CFAP70: variants seen among roughly 807,000 people sequenced by gnomAD.
The protein encoded by CFAP70 is cilia- and flagella-associated protein 70.
Under a neutral mutation model 137.6 loss-of-function variants are expected in CFAP70, and 81 were observed. That is an observed-to-expected ratio of 0.59 (90% CI 0.49 to 0.71). CFAP70 has a LOEUF of 0.71. CFAP70 is among the 30% of genes least tolerant of loss of function. The pLI is 0.00. For missense variants in CFAP70, 976 were observed against 1,226.7 expected (o/e 0.80, Z 3.05); for synonymous variants, 382 against 423.6 (o/e 0.90, Z 1.20).
intron 11 of CFAP70, 80 bp downstream of exon 12, chr10:73,311,754 G>A: frequency 3.6e-6 from 4 of 1,103,306 alleles, no homozygotes; most frequent in Non-Finnish European, 4.2e-6. Flanking sequence ...TCCTGCCTGA[G>A]CATTTTCCAT....
chr10:73,289,940 A>ATC (rs1212058201), intron 19 of CFAP70, among the ~76,000 whole-genome samples: 2 of 151,596 alleles, frequency 1.3e-5, no homozygotes, highest in Admixed American at 1.3e-4. Flanking sequence ...AGCTACTTGG[A>ATC]AGGCTGAGGC....
At chr10:73,312,777 A>C in intron 9 of CFAP70, 134 bp from the exon 11 acceptor site, 2 of 774,696 alleles carry the variant, frequency 2.6e-6, no homozygotes, top group Non-Finnish European at 2.0e-6. Flanking sequence ...AAGGGACTTG[A>C]AAGACTTCAT....
chr10:73,284,176 G>A (rs1009404469), intron 19 of CFAP70, among the ~76,000 whole-genome samples: 3 of 152,154 alleles, frequency 2.0e-5, no homozygotes. Context: ...TTCAGCTTGT[G>A]GAGGCTACCT....
At chr10:73,347,511 T>C (rs987315553) in intron 4 of CFAP70, among the ~76,000 whole-genome samples, 14 of 152,122 alleles carry the variant, frequency 9.2e-5, no homozygotes, top group Non-Finnish European at 1.8e-4. Context: ...GTAGTTAGGG[T>C]CTGAAGGAAT....
At chr10:73,316,143 G>A (rs10824003) in intron 9 of CFAP70, among the ~76,000 whole-genome samples, 16,064 of 151,854 alleles carry the variant, frequency 0.11, 1,226 homozygotes, top group East Asian at 0.3. Flanking sequence ...TAGTTACTCA[G>A]CTATTACATT....
intron 8 of CFAP70, among the ~76,000 whole-genome samples, chr10:73,329,381 C>A (rs986797164): frequency 1.3e-5 from 2 of 152,190 alleles, no homozygotes; most frequent in Admixed American, 6.5e-5. Flanking sequence ...AAGAGATATA[C>A]CTAATGCTAA....
At chr10:73,324,707 G>A (rs1329835191) in intron 8 of CFAP70, among the ~76,000 whole-genome samples, 8 of 152,306 alleles carry the variant, frequency 5.3e-5, no homozygotes, top group South Asian at 4.2e-4. Context: ...CTCAGGAGCC[G>A]ATGTGATCAA....
intron 25 of CFAP70, among the ~76,000 whole-genome samples, chr10:73,258,403 C>G (rs1269412063): frequency 2.0e-5 from 3 of 152,236 alleles, no homozygotes; most frequent in Non-Finnish European, 4.4e-5. Flanking sequence ...CTTATAATTT[C>G]CTATGCCTGT....
At chr10:73,327,798 T>C (rs1179888853) in intron 8 of CFAP70, among the ~76,000 whole-genome samples, 1 of 152,076 alleles carries the variant, frequency 6.6e-6, no homozygotes, top group African/African-American at 2.4e-5. Flanking sequence ...GAAGGACCTC[T>C]TCAAGGAGAA....
intron 4 of CFAP70, 49 bp from the exon 5 acceptor site, chr10:73,348,284 G>A: frequency 6.3e-7 from 1 of 1,593,282 alleles, no homozygotes; most frequent in Non-Finnish European, 8.6e-7. Flanking sequence ...GTTAAGTTGG[G>A]ATGACTGCAG....
chr10:73,295,294 CGAGAAAGAAAGAGAGAAAGG>C (rs2048452964), intron 15 of CFAP70: 3 of 140,866 alleles, frequency 2.1e-5, no homozygotes, highest in African/African-American at 7.9e-5. Context: ...CCAGCCTGGG[CGAGAAAGAAAGAGAGAAAGG>C]GAGAAAGAGA....
intron 17 of CFAP70, 24 bp downstream of exon 18, chr10:73,291,857 T>C: frequency 6.2e-7 from 1 of 1,613,896 alleles, no homozygotes; most frequent in Non-Finnish European, 8.5e-7. Context: ...TCCCACTGAT[T>C]CCTCATCTCC....
chr10:73,320,997 T>C (rs759802138), intron 9 of CFAP70, among the ~76,000 whole-genome samples: 5 of 152,226 alleles, frequency 3.3e-5, no homozygotes, highest in Non-Finnish European at 7.3e-5. Context: ...TCATTTTTAC[T>C]TACTATGATT....
chr10:73,349,061 CAAA>C (rs56392713), intron 3 of CFAP70, among the ~76,000 whole-genome samples: 4 of 91,686 alleles, frequency 4.4e-5, no homozygotes, highest in Non-Finnish European at 4.7e-5. Context: ...AACTCCGTCT[CAAA>C]AAAAAAAAAA....
intron 19 of CFAP70, among the ~76,000 whole-genome samples, chr10:73,289,926 C>CT (rs1432969138): frequency 2.0e-5 from 3 of 151,690 alleles, no homozygotes; most frequent in African/African-American, 7.3e-5. Context: ...ATATCTGTAG[C>CT]TCCAGCTACT....
intron 25 of CFAP70, among the ~76,000 whole-genome samples, chr10:73,263,265 T>C (rs971233952): frequency 2.0e-5 from 3 of 152,122 alleles, no homozygotes; most frequent in African/African-American, 7.2e-5. Flanking sequence ...CCAGCTAATT[T>C]TTTTAATGTT....
rs2048899630 is a variant in CFAP70, at chr10:73,300,910, G to C, written c.1257-1245C>G. 2.6e-5 allele frequency among the ~76,000 whole-genome samples: 4 copies of C among 152,154 alleles called. 1 individual carries two copies. The South Asian group carries it at 8.3e-4, about 31-fold the overall frequency. On this transcript the variant is annotated intron_variant, in intron 12 of 26. Transcript: ENST00000310715. ...ATACTGAGTGCTTATTTTCCATCAG[G>C]TAGTTTTCTAGGTTTGGGAATAGAG... is the stretch of plus-strand genomic sequence containing the variant.
chr10:73,348,212 C>A, intron 4 of CFAP70: 1 of 1,614,182 alleles, frequency 6.2e-7, no homozygotes, highest in Non-Finnish European at 8.5e-7. Flanking sequence ...TGCAATGGAA[C>A]TGTTGTTTGA....
At chr10:73,353,499 A>T (rs2054436569) in intron 3 of CFAP70, 57 bp downstream of exon 3, 1 of 1,491,952 alleles carries the variant, frequency 6.7e-7, no homozygotes, top group Non-Finnish European at 9.2e-7. Flanking sequence ...TTTCCCATCC[A>T]ACATGATAGG....
Sources: allele counts gnomAD v4.1 joint callset (sites outside exome capture counted in the v4.1 genomes callset), GRCh38; gene constraint gnomAD v4.1.1; transcripts MANE v1.5; gene names NCBI Gene and HGNC (gene_info 2026-07-23, HGNC 2026-07-21).